NCAM2: variants seen among roughly 807,000 people sequenced by gnomAD.
The protein encoded by NCAM2 is neural cell adhesion molecule 2.
In NCAM2, 30 loss-of-function variants were observed where a neutral mutation model predicts 98.1. The observed-to-expected ratio is 0.31, with a 90% CI of 0.23 to 0.41. NCAM2 has a LOEUF of 0.41. NCAM2 is among the 10% of genes least tolerant of loss of function. NCAM2 has a pLI of 1.00. For missense variants in NCAM2, 867 were observed against 1,005.8 expected (o/e 0.86, Z 1.87); for synonymous variants, 368 against 342.4 (o/e 1.07, Z -0.83).
Position 21,541,249 on chromosome 21 carries a change from AG to A in NCAM2, c.*3293del, listed in dbSNP as rs1194171290. ...TAGCATGACAGTCTGCTTTATTAAA[AG>A]AAAAAAACTACAATTAACATCATTA... On this transcript the variant is annotated 3_prime_UTR_variant, in exon 18 of 18. Coordinates refer to ENST00000400546, the MANE Select transcript of NCAM2 (RefSeq NM_004540.5). 1 of 151,666 alleles carries A rather than the reference AG, an allele frequency of 6.6e-6. No homozygotes were observed. Among genetic ancestry groups the A allele is most frequent in the African/African-American group, 2.4e-5 (1 of 41,410 alleles). 9.4% of individuals were successfully genotyped at this position (151,666 alleles called of 1,614,324 possible).
chr21:21,321,664 C>G (rs1175113105), intron 5 of NCAM2, among the ~76,000 whole-genome samples: 1 of 151,968 alleles, frequency 6.6e-6, no homozygotes, highest in Non-Finnish European at 1.5e-5. Flanking sequence ...CACCACTTAC[C>G]GAATAAGGAG....
intron 4 of NCAM2, among the ~76,000 whole-genome samples, chr21:21,287,155 A>C (rs1456025077): frequency 6.6e-6 from 1 of 151,954 alleles, no homozygotes; most frequent in Non-Finnish European, 1.5e-5. Flanking sequence ...GAGCATTTTC[A>C]ATTTAGAATT....
intron 11 of NCAM2, among the ~76,000 whole-genome samples, chr21:21,423,652 A>T (rs1262785413): frequency 2.0e-5 from 3 of 152,122 alleles, no homozygotes; most frequent in African/African-American, 7.2e-5. Context: ...GAGGTCTCTG[A>T]TACTGTGCTT....
intron 1 of NCAM2, among the ~76,000 whole-genome samples, chr21:21,103,190 G>C (rs1296831875): frequency 6.6e-6 from 1 of 151,674 alleles, no homozygotes; most frequent in African/African-American, 2.4e-5. Context: ...ATGGATTCCT[G>C]CAATCTCACC....
At chr21:21,453,836 C>CT (rs1981713134) in intron 12 of NCAM2, among the ~76,000 whole-genome samples, 1 of 151,896 alleles carries the variant, frequency 6.6e-6, no homozygotes, top group Admixed American at 6.6e-5. Context: ...CTGTATTATT[C>CT]TTGAATTAGT....
intron 1 of NCAM2, among the ~76,000 whole-genome samples, chr21:21,124,654 T>G (rs1033498949): frequency 6.6e-6 from 1 of 152,200 alleles, no homozygotes; most frequent in Admixed American, 6.5e-5. Flanking sequence ...CGTTTAAAAC[T>G]GAGTCATGCC....
chr21:21,223,330 G>T (rs532799659), intron 1 of NCAM2: 10 of 151,832 alleles, frequency 6.6e-5, no homozygotes, highest in Non-Finnish European at 1.2e-4. Flanking sequence ...TTATTTTTCG[G>T]ATTTTTTCAT....
chr21:21,100,555 C>T (rs2066218892), intron 1 of NCAM2, among the ~76,000 whole-genome samples: 1 of 151,944 alleles, frequency 6.6e-6, no homozygotes, highest in South Asian at 2.1e-4. Context: ...ACTGAGTTTA[C>T]CTATATTTCC....
intron 1 of NCAM2, among the ~76,000 whole-genome samples, chr21:21,066,867 T>A (rs2065450587): frequency 6.6e-6 from 1 of 152,026 alleles, no homozygotes; most frequent in Non-Finnish European, 1.5e-5. Flanking sequence ...ATTACTGTGT[T>A]ATTGATAGGA....
intron 16 of NCAM2, among the ~76,000 whole-genome samples, chr21:21,520,135 C>T (rs1275160094): frequency 6.6e-6 from 1 of 151,956 alleles, no homozygotes; most frequent in Non-Finnish European, 1.5e-5. Flanking sequence ...GCATAATTTA[C>T]TAAGCATTAA....
intron 1 of NCAM2, among the ~76,000 whole-genome samples, chr21:21,185,536 C>T (rs535414931): frequency 6.6e-6 from 1 of 152,240 alleles, no homozygotes; most frequent in African/African-American, 2.4e-5. Flanking sequence ...TAATTATCAA[C>T]ATTTATTATT....
At chr21:21,368,787 G>A (rs1412839027) in intron 8 of NCAM2, among the ~76,000 whole-genome samples, 1 of 151,656 alleles carries the variant, frequency 6.6e-6, no homozygotes, top group Non-Finnish European at 1.5e-5. Context: ...AACTTTGAGG[G>A]GACCCAAACA....
chr21:21,447,316 A>G (rs1216785516), intron 12 of NCAM2, among the ~76,000 whole-genome samples: 1 of 151,966 alleles, frequency 6.6e-6, no homozygotes, highest in Non-Finnish European at 1.5e-5. Flanking sequence ...ATCCTTTTCA[A>G]TAAATGGTGC....
At chr21:21,462,924 T>C (rs559722399) in intron 12 of NCAM2, among the ~76,000 whole-genome samples, 7 of 152,128 alleles carry the variant, frequency 4.6e-5, no homozygotes, top group Non-Finnish European at 5.9e-5. Context: ...AAGCTTTTAC[T>C]AGTTTGTAAT....
At chr21:21,070,637 T>G (rs1274993896) in intron 1 of NCAM2, among the ~76,000 whole-genome samples, 1 of 152,150 alleles carries the variant, frequency 6.6e-6, no homozygotes, top group Non-Finnish European at 1.5e-5. Context: ...GTTCTTCATA[T>G]TATAGGTAAA....
intron 1 of NCAM2, among the ~76,000 whole-genome samples, chr21:21,204,910 C>T (rs1373453740): frequency 1.3e-5 from 2 of 151,638 alleles, no homozygotes; most frequent in African/African-American, 4.8e-5. Context: ...TAGATATTTC[C>T]ACTTTCCGTT....
intron 12 of NCAM2, among the ~76,000 whole-genome samples, chr21:21,459,159 C>G (rs577587359): frequency 1.3e-5 from 2 of 151,510 alleles, no homozygotes; most frequent in South Asian, 2.1e-4. Flanking sequence ...TCAACTCACA[C>G]CTGTTGGGAT....
At chr21:21,420,742 A>G (rs2145969250) in intron 11 of NCAM2, among the ~76,000 whole-genome samples, 1 of 152,054 alleles carries the variant, frequency 6.6e-6, no homozygotes, top group African/African-American at 2.4e-5. Context: ...GCATTGATAG[A>G]GAAGGGAGAA....
chr21:21,003,105 T>G (rs1437291462), intron 1 of NCAM2, among the ~76,000 whole-genome samples: 4 of 152,072 alleles, frequency 2.6e-5, no homozygotes, highest in Non-Finnish European at 4.4e-5. Context: ...ATAATAAGAG[T>G]ACTAATCACA....
Sources: gnomAD v4.1 joint callset for allele counts (sites outside exome capture counted in the v4.1 genomes callset) on GRCh38, gnomAD v4.1.1 for gene constraint, MANE v1.5 for transcripts, NCBI Gene and HGNC (gene_info 2026-07-23, HGNC 2026-07-21) for gene names.